PDE5A: variants seen among roughly 807,000 people sequenced by gnomAD.
PDE5A encodes phosphodiesterase 5A, also known as cGMP-specific 3',5'-cyclic phosphodiesterase.
PDE5A carries 67 observed loss-of-function variants against 110.2 expected under a neutral mutation model. The ratio of observed to expected loss-of-function variants is 0.61; its 90% CI spans 0.50 to 0.75. PDE5A has a LOEUF of 0.75. Among genes scored for constraint, PDE5A ranks in the 30% least tolerant of loss-of-function variants. The pLI is 0.00. For missense variants in PDE5A, 862 were observed against 1,045.1 expected, an observed-to-expected ratio of 0.82 and a Z score of 2.42; for synonymous variants, 328 against 351.2, an observed-to-expected ratio of 0.93 and a Z score of 0.74.
chr4:119,590,935 A>T (rs543807304), intron 3 of PDE5A, among the ~76,000 whole-genome samples: 9 of 152,246 alleles, frequency 5.9e-5, no homozygotes, highest in Non-Finnish European at 1.2e-4. Context: ...ATGATTCAAT[A>T]ATCACAGTTC....
At position 119,554,119 on chromosome 4, in the gene PDE5A, T is replaced by C. The variant is rs115969127; in HGVS notation, c.1200-373A>G. Among the ~76,000 whole-genome samples the C allele has an allele frequency of 7.5e-3, 1,135 of 152,234 alleles. 18 individuals carry two copies. The highest frequency in any genetic ancestry group is 0.026 in the African/African-American group (1,074 of 41,546). On this transcript the variant is annotated intron_variant, in intron 7 of 20. Coordinates refer to ENST00000354960, the MANE Select transcript of PDE5A (RefSeq NM_001083.4). ...TAGTGCTTGTTTCACTTCCTCATTA[T>C]TTGGTTTCTCTATCCATTCCAATAA...
chr4:119,579,331 A>G (rs1462905493), intron 3 of PDE5A, among the ~76,000 whole-genome samples: 3 of 152,198 alleles, frequency 2.0e-5, no homozygotes, highest in Admixed American at 2.0e-4. Context: ...CAGCAATCCC[A>G]TTACTGGGTA....
intron 10 of PDE5A, chr4:119,539,224 C>T (rs1291096135): frequency 8.1e-6 from 4 of 494,706 alleles, no homozygotes; most frequent in African/African-American, 3.8e-5. Flanking sequence ...AAGTTATACT[C>T]CCTATGTTTA....
At chr4:119,501,336 A>C in intron 19 of PDE5A, 83 bp from the exon 20 acceptor site, 1 of 834,814 alleles carries the variant, frequency 1.2e-6, no homozygotes, top group Non-Finnish European at 2.0e-6. Flanking sequence ...TTTGAGATGG[A>C]GTCTCACTCT....
chr4:119,585,246 G>A (rs1392034965), intron 3 of PDE5A, among the ~76,000 whole-genome samples: 4 of 147,540 alleles, frequency 2.7e-5, no homozygotes, highest in African/African-American at 7.6e-5. Flanking sequence ...CTGCACTCCA[G>A]CCTGGGCGAC....
intron 14 of PDE5A, among the ~76,000 whole-genome samples, chr4:119,516,851 C>T (rs1029537078): frequency 3.3e-5 from 5 of 152,192 alleles, no homozygotes; most frequent in African/African-American, 1.2e-4. Context: ...GAACTCCTGA[C>T]CTCGTGATCC....
At chr4:119,511,228 G>T (rs1354367587) in intron 14 of PDE5A, 94 bp from the exon 15 acceptor site, 3 of 684,656 alleles carry the variant, frequency 4.4e-6, no homozygotes, top group African/African-American at 3.6e-5. Context: ...TACAAAAGAG[G>T]CTACTTCACA....
At chr4:119,544,222 CTCCTT>C (rs1405040553) in intron 9 of PDE5A, among the ~76,000 whole-genome samples, 1 of 152,164 alleles carries the variant, frequency 6.6e-6, no homozygotes, top group Non-Finnish European at 1.5e-5. Context: ...GATCTGGACT[CTCCTT>C]TTTGCTCTTT....
intron 3 of PDE5A, among the ~76,000 whole-genome samples, chr4:119,577,987 A>C (rs1728428584): frequency 6.6e-6 from 1 of 152,262 alleles, no homozygotes; most frequent in Non-Finnish European, 1.5e-5. Context: ...ACTTCAGCAA[A>C]GTCTCAGGAC....
chr4:119,515,363 A>G (rs144360679), intron 14 of PDE5A, among the ~76,000 whole-genome samples: 1 of 152,244 alleles, frequency 6.6e-6, no homozygotes, highest in African/African-American at 2.4e-5. Flanking sequence ...CCTCTATTAG[A>G]GCAGAGAAGA....
rs3733525 is a variant in PDE5A at position 119,525,893 on chromosome 4, A to G, written c.1633-198T>C. Among the ~76,000 whole-genome samples, 39,879 of 151,902 alleles carry G rather than the reference A, an allele frequency of 0.26. 5,364 individuals are homozygous for G. The highest frequency in any genetic ancestry group is 0.38 in the East Asian group (1,954 of 5,136). On this transcript the variant is annotated intron_variant, in intron 11 of 20. Coordinates refer to ENST00000354960, the MANE Select transcript of PDE5A (RefSeq NM_001083.4). The surrounding 1 kb of genome is among the most constrained non-coding windows in gnomAD (Gnocchi z 4.3). Reference sequence around the variant, plus strand: ...AAACTGAGCCACATAAGGGTAATTAATATGGTTCAAAGTAGGCTAAGTGGA... The same window carrying G: ...AAACTGAGCCACATAAGGGTAATTAGTATGGTTCAAAGTAGGCTAAGTGGA...
At chr4:119,615,615 C>CAAAAAAAAAAA (rs56177504) in intron 1 of PDE5A, among the ~76,000 whole-genome samples, 2 of 130,354 alleles carry the variant, frequency 1.5e-5, no homozygotes, top group Non-Finnish European at 1.7e-5. Context: ...CTACTAAGTT[C>CAAAAAAAAAAA]AAAAAAAAAA....
intron 3 of PDE5A, among the ~76,000 whole-genome samples, chr4:119,580,861 G>A (rs59516282): frequency 0.5 from 75,304 of 152,056 alleles, 18,835 homozygotes; most frequent in South Asian, 0.64. Context: ...TTTCATATCA[G>A]AATAATTCCA....
At chr4:119,527,137 TAC>T (rs934813402) in intron 11 of PDE5A, 1 of 152,154 alleles carries the variant, frequency 6.6e-6, no homozygotes, top group Non-Finnish European at 1.5e-5. Flanking sequence ...TCATTATTCT[TAC>T]AGCAGGAAGT....
At chr4:119,531,088 G>C (rs1041863075) in intron 11 of PDE5A, among the ~76,000 whole-genome samples, 1 of 152,044 alleles carries the variant, frequency 6.6e-6, no homozygotes, top group African/African-American at 2.4e-5. Context: ...CCAATTTTTA[G>C]CTGCTTTCGT....
intron 5 of PDE5A, among the ~76,000 whole-genome samples, chr4:119,564,223 T>TGCTA (rs773440328): frequency 1.8e-4 from 27 of 152,076 alleles, no homozygotes; most frequent in Admixed American, 7.9e-4. Context: ...ACAACATGGA[T>TGCTA]GCTAGTTAGA....
In PDE5A at chr4:119,606,981, T is replaced by C. The variant is rs765845116; in HGVS notation, c.469A>G (p.Lys157Glu). The C allele has an allele frequency of 3.1e-6, 5 of 1,614,162 alleles. No homozygotes were observed. The South Asian group carries it at 4.4e-5, about 14-fold the overall frequency. Reference protein sequence around the residue: ...DQCSRLLELVKDISSHLDVTA... With the variant: ...DQCSRLLELVEDISSHLDVTA... ...ACATCCAAATGACTAGAAATATCCT[T>C]CACTAATTCCAAGAGTCTTGAGCAC... Residue 157 changes from lysine (K) to glutamate (E), a missense_variant, in exon 2 of 21, where the codon AAG (lysine) becomes GAG (glutamate). By Grantham distance (56) the Lys-to-Glu change is moderately conservative (BLOSUM62 1). Transcript: ENST00000354960.
chr4:119,517,438 G>C (rs1421319285), intron 14 of PDE5A, among the ~76,000 whole-genome samples: 1 of 150,800 alleles, frequency 6.6e-6, no homozygotes, highest in Admixed American at 6.6e-5. Flanking sequence ...AAAATTCTTG[G>C]TTTCCTCTAC....
intron 11 of PDE5A, among the ~76,000 whole-genome samples, chr4:119,533,457 TA>T (rs1726614849): frequency 6.6e-6 from 1 of 152,146 alleles, no homozygotes; most frequent in South Asian, 2.1e-4. Context: ...AATTAGTTTA[TA>T]AGGCTTTTAG....
Sources: allele counts gnomAD v4.1 joint callset (sites outside exome capture counted in the v4.1 genomes callset), GRCh38; gene constraint gnomAD v4.1.1; non-coding constraint Gnocchi (gnomAD v3.1); transcripts MANE v1.5; gene names NCBI Gene and HGNC (gene_info 2026-07-23, HGNC 2026-07-21).